Variants in INSR observed in about 807,000 individuals in gnomAD.
INSR encodes the protein IR.
In INSR, 67 loss-of-function variants were observed where a neutral mutation model predicts 142.6. The ratio of observed to expected loss-of-function variants is 0.47; its 90% CI spans 0.39 to 0.58. The LOEUF (loss-of-function observed/expected upper bound fraction) is 0.58, where lower values mean the gene tolerates loss of function less well. Among genes scored for constraint, INSR ranks in the 20% least tolerant of loss-of-function variants. The pLI is 0.00. For missense variants in INSR, 1,248 were observed against 1,833.2 expected (o/e 0.68, Z 5.83); for synonymous variants, 756 against 743.1 (o/e 1.02, Z -0.28).
chr19:7,286,110 G>C (rs1288322789), intron 1 of INSR, among the ~76,000 whole-genome samples: 3 of 152,064 alleles, frequency 2.0e-5, no homozygotes, highest in African/African-American at 7.3e-5. Context: ...CTCCCTAGTA[G>C]CTGGGACCAC....
At position 7,275,701 on chromosome 19, in the gene INSR, C is replaced by T. The variant is rs1391637815; in HGVS notation, c.101-7805G>A. ...ACTAGGGAGGCTGAGGCAGGAGAATCGCTTGAACCTGGGAGGCAGAGGTTG... is the reference window on the plus strand; with the variant it reads ...ACTAGGGAGGCTGAGGCAGGAGAATTGCTTGAACCTGGGAGGCAGAGGTTG... On this transcript the variant is annotated intron_variant, in intron 1 of 21. Transcript: ENST00000302850. Among the ~76,000 whole-genome samples, 3 of 151,452 alleles carry T rather than the reference C, an allele frequency of 2.0e-5. 1 individual carries two copies. Among genetic ancestry groups the T allele is most frequent in the South Asian group, 4.2e-4 (2 of 4,800 alleles).
intron 3 of INSR, among the ~76,000 whole-genome samples, chr19:7,176,845 T>C (rs1974145623): frequency 6.6e-6 from 1 of 152,118 alleles, no homozygotes; most frequent in Admixed American, 6.6e-5. Context: ...CTAATGCATG[T>C]GGTAATAAGA....
chr19:7,164,826 CAAAAAAA>C (rs35639305), intron 8 of INSR, among the ~76,000 whole-genome samples: 1 of 46,026 alleles, frequency 2.2e-5, no homozygotes, highest in Admixed American at 3.2e-4. Flanking sequence ...AACTCCATCT[CAAAAAAA>C]AAAAAAAAAA....
intron 15 of INSR, 78 bp downstream of exon 15, chr19:7,128,774 G>A: frequency 2.1e-6 from 2 of 931,002 alleles, no homozygotes; most frequent in Non-Finnish European, 3.6e-6. Flanking sequence ...ACTTAAATAT[G>A]CCTATACCTA....
intron 13 of INSR, 45 bp downstream of exon 13, chr19:7,141,632 C>A (rs1440116015): frequency 6.2e-7 from 1 of 1,612,556 alleles, no homozygotes; most frequent in African/African-American, 1.3e-5. Flanking sequence ...TCTGAAGGGG[C>A]ATGCTGAAGT....
chr19:7,202,304 TTCA>T (rs1974983005), intron 2 of INSR, among the ~76,000 whole-genome samples: 1 of 152,220 alleles, frequency 6.6e-6, no homozygotes, highest in Non-Finnish European at 1.5e-5. Context: ...ATTTCCAATA[TTCA>T]TCATCTCATT....
intron 1 of INSR, among the ~76,000 whole-genome samples, chr19:7,283,580 C>T (rs1238215462): frequency 6.6e-6 from 1 of 152,156 alleles, no homozygotes; most frequent in African/African-American, 2.4e-5. Context: ...GCTGGGACTA[C>T]AGGCATGAGC....
intron 20 of INSR, 37 bp downstream of exon 20, chr19:7,120,583 A>C: frequency 6.2e-7 from 1 of 1,613,136 alleles, no homozygotes; most frequent in Middle Eastern, 1.7e-4. Context: ...CTGGAATTCA[A>C]GCCCAGCGTC....
At chr19:7,253,783 C>A (rs1471560712) in intron 2 of INSR, among the ~76,000 whole-genome samples, 1 of 151,956 alleles carries the variant, frequency 6.6e-6, no homozygotes, top group African/African-American at 2.4e-5. Context: ...CATCCCAACA[C>A]TTTGGGAGGC....
At chr19:7,141,594 A>G in intron 13 of INSR, 83 bp downstream of exon 13, 1 of 1,583,152 alleles carries the variant, frequency 6.3e-7, no homozygotes, top group Non-Finnish European at 8.6e-7. Flanking sequence ...TCAAAATTTC[A>G]GCAGAGGAAG....
Position 7,170,577 on chromosome 19 carries a change from T to C in INSR, c.1443A>G (p.Arg481=). 1.2e-6 allele frequency: 2 copies of C among 1,613,482 alleles called. No homozygotes were observed. The highest frequency in any genetic ancestry group is 1.7e-6 in the Non-Finnish European group (2 of 1,179,880). ...CATTGGTCTTCAGGGCAATGTCGTT[T>C]CTCTCCTGGCGCCCCTTGGTTCCTG... The part of the protein sequence containing the change: ...EVSGTKGRQE[R]NDIALKTNGD... Residue 481 remains arginine, a synonymous_variant, in exon 6 of 22, where the codon AGA becomes AGG. Transcript: ENST00000302850.
Position 7,152,746 on chromosome 19 carries a change from G to A in INSR, c.2211C>T (p.His737=). The A allele has an allele frequency of 6.2e-7, 1 of 1,612,892 alleles. No homozygotes were observed. Among genetic ancestry groups the A allele is most frequent in the Non-Finnish European group, 8.5e-7 (1 of 1,179,898 alleles). The change falls in exon 10 of 22, where the codon CAC becomes CAT. Residue 737 remains histidine (H), a synonymous_variant. Transcript: ENST00000302850. The part of the protein sequence containing the change: ...SFRKTFEDYL[H]NVVFVPRKTS... ...CTGACCTGGGGACGAAAACCACGTTGTGCAGGTAATCCTCAAACGTCTTCC... is the reference window on the plus strand; with the variant it reads ...CTGACCTGGGGACGAAAACCACGTTATGCAGGTAATCCTCAAACGTCTTCC...
intron 2 of INSR, among the ~76,000 whole-genome samples, chr19:7,262,264 A>G (rs1193885839): frequency 6.6e-6 from 1 of 152,120 alleles, no homozygotes; most frequent in Non-Finnish European, 1.5e-5. Context: ...TGAGGTCAGG[A>G]GTTCAAGACC....
intron 2 of INSR, among the ~76,000 whole-genome samples, chr19:7,243,298 T>C (rs917212616): frequency 8.0e-6 from 1 of 124,904 alleles, no homozygotes; most frequent in Non-Finnish European, 1.6e-5. Flanking sequence ...CAGGCTGGAG[T>C]GCAGTGGTGC....
chr19:7,261,324 G>C (rs192239169), intron 2 of INSR, among the ~76,000 whole-genome samples: 19 of 152,008 alleles, frequency 1.2e-4, no homozygotes, highest in Admixed American at 6.6e-5. Flanking sequence ...TGCCCTGAGC[G>C]CCCCAGAACA....
chr19:7,177,097 C>A (rs1038788017), intron 3 of INSR, among the ~76,000 whole-genome samples: 2 of 152,160 alleles, frequency 1.3e-5, no homozygotes, highest in Non-Finnish European at 2.9e-5. Flanking sequence ...CTTTGGGAAC[C>A]AGTCCTCCCC....
At chr19:7,201,622 C>T (rs1974955621) in intron 2 of INSR, among the ~76,000 whole-genome samples, 1 of 150,912 alleles carries the variant, frequency 6.6e-6, no homozygotes, top group Non-Finnish European at 1.5e-5. Flanking sequence ...GAGACTCTGT[C>T]TCAATCAATC....
Position 7,250,101 on chromosome 19 carries a change from G to A in INSR, c.652+17244C>T, listed in dbSNP as rs186639205. On this transcript the variant is annotated intron_variant, in intron 2 of 21. Transcript: ENST00000302850. ...TTGAGACCAGGAGTTCCAGACTGCT[G>A]TTAGCTATGATCATGCTACTGCACT... Among the ~76,000 whole-genome samples, 153 of 151,918 alleles carry A rather than the reference G, an allele frequency of 1.0e-3. No homozygotes were observed. The South Asian group carries it at 0.011, about 11-fold the overall frequency.
At chr19:7,259,818 CA>C (rs10532581) in intron 2 of INSR, among the ~76,000 whole-genome samples, 155 of 134,688 alleles carry the variant, frequency 1.2e-3, no homozygotes, top group Admixed American at 1.6e-3. Flanking sequence ...GACTCTGTCT[CA>C]AAAAAAAAAA....
Sources: gnomAD v4.1 joint callset for allele counts (sites outside exome capture counted in the v4.1 genomes callset) on GRCh38, gnomAD v4.1.1 for gene constraint, MANE v1.5 for transcripts, NCBI Gene and HGNC (gene_info 2026-07-23, HGNC 2026-07-21) for gene names.